The following PLXNC1 variants were observed in gnomAD, a reference collection of about 807,000 sequenced individuals.
PLXNC1 encodes the protein plexin C1, also known as plexin-C1.
In PLXNC1, 75 loss-of-function variants were observed where a neutral mutation model predicts 178.2. The observed-to-expected ratio is 0.42, with a 90% CI of 0.35 to 0.51. PLXNC1 has a LOEUF of 0.51. PLXNC1 is among the 20% of genes least tolerant of loss of function. PLXNC1 has a pLI of 0.02. For missense variants in PLXNC1, 1,503 were observed against 1,984.4 expected, an observed-to-expected ratio of 0.76 and a Z score of 4.61; for synonymous variants, 790 against 779.9, an observed-to-expected ratio of 1.01 and a Z score of -0.22.
chr12:94,200,588 C>T (rs1181794422), intron 4 of PLXNC1, among the ~76,000 whole-genome samples: 1 of 150,090 alleles, frequency 6.7e-6, no homozygotes, highest in Non-Finnish European at 1.5e-5. Context: ...CTGAGGCCCA[C>T]AGAGGCTAAG....
Position 94,305,464 on chromosome 12 carries a change from C to A in PLXNC1, c.*179C>A. 3.5e-6 allele frequency: 2 copies of A among 571,510 alleles called. No individual in the cohort carries two copies. Among genetic ancestry groups the A allele is most frequent in the East Asian group, 5.7e-5 (2 of 34,810 alleles). 35.4% of individuals were successfully genotyped at this position (571,510 alleles called of 1,614,324 possible). On this transcript the variant is annotated 3_prime_UTR_variant, in exon 31 of 31. Coordinates refer to ENST00000258526, the MANE Select transcript of PLXNC1 (RefSeq NM_005761.3). ...TTTAGAAAGCATACCAACCCTTGTGCCTGTGTGTATACCGTGGGAACCCTT... is the reference window on the plus strand; with the variant it reads ...TTTAGAAAGCATACCAACCCTTGTGACTGTGTGTATACCGTGGGAACCCTT...
At chr12:94,187,174 A>AAGAG (rs755091519) in intron 4 of PLXNC1, among the ~76,000 whole-genome samples, 6,377 of 105,862 alleles carry the variant, frequency 0.06, 177 homozygotes, top group East Asian at 0.19. Flanking sequence ...TCAGGCAGGA[A>AAGAG]AGAGAGAGAG....
intron 1 of PLXNC1, among the ~76,000 whole-genome samples, chr12:94,156,929 G>C (rs1167323072): frequency 1.3e-5 from 2 of 151,974 alleles, no homozygotes; most frequent in Non-Finnish European, 2.9e-5. Flanking sequence ...TGCCCATGCT[G>C]GTCTCAATCT....
chr12:94,297,324 A>G lies in PLXNC1; in HGVS notation c.3975A>G (p.Pro1325=). ...YSDDHCHLIL[P]DSEAFQDVQG... ...TGCTGTCTTCCCTTCAGATTTTACC[A>G]GATTCGGAAGCATTCCAAGATGTGC... is the stretch of plus-strand genomic sequence containing the variant. Residue 1325 remains proline, a synonymous_variant, in exon 26 of 31, where the codon CCA becomes CCG. Coordinates refer to ENST00000258526, the MANE Select transcript of PLXNC1 (RefSeq NM_005761.3). 4 of 1,613,954 alleles carry G rather than the reference A, an allele frequency of 2.5e-6. No individual in the cohort carries two copies. Among genetic ancestry groups the G allele is most frequent in the East Asian group, 4.5e-5 (2 of 44,868 alleles).
chr12:94,170,692 C>T (rs186183112), intron 2 of PLXNC1, among the ~76,000 whole-genome samples: 23 of 149,430 alleles, frequency 1.5e-4, no homozygotes, highest in Middle Eastern at 3.5e-3. Flanking sequence ...GCCATGAATT[C>T]CCACAGCCTA....
At chr12:94,200,306 G>C (rs551938619) in intron 4 of PLXNC1, among the ~76,000 whole-genome samples, 2 of 152,128 alleles carry the variant, frequency 1.3e-5, no homozygotes, top group South Asian at 4.1e-4. Context: ...TGTATTGATT[G>C]GCCTTTAAAT....
chr12:94,234,039 A>T (rs1261492721), intron 9 of PLXNC1, among the ~76,000 whole-genome samples: 3 of 152,092 alleles, frequency 2.0e-5, no homozygotes, highest in South Asian at 2.1e-4. Flanking sequence ...GTGACTTTTT[A>T]TCTAGTCCTG....
chr12:94,271,701 G>A (rs141067537), intron 21 of PLXNC1, among the ~76,000 whole-genome samples: 28 of 152,294 alleles, frequency 1.8e-4, no homozygotes, highest in African/African-American at 6.5e-4. Flanking sequence ...CATGTACCAC[G>A]TCTAGCCATC....
chr12:94,270,763 CT>C (rs71984307), intron 21 of PLXNC1, among the ~76,000 whole-genome samples: 26,239 of 147,310 alleles, frequency 0.18, 2,634 homozygotes, highest in East Asian at 0.27. Context: ...ATCTCCATTA[CT>C]TTTTTTTTTT....
At chr12:94,245,598 C>T (rs1009404159) in intron 12 of PLXNC1, among the ~76,000 whole-genome samples, 14 of 152,308 alleles carry the variant, frequency 9.2e-5, no homozygotes, top group African/African-American at 3.1e-4. Context: ...TTCAGAAACC[C>T]TGTGAGTCCA....
chr12:94,183,998 A>G (rs1277678747), intron 3 of PLXNC1, among the ~76,000 whole-genome samples: 2 of 152,234 alleles, frequency 1.3e-5, no homozygotes, highest in African/African-American at 2.4e-5. Context: ...ATAAAATGGT[A>G]TGATACGGGG....
chr12:94,279,625 C>A lies in PLXNC1; in HGVS notation c.3751C>A (p.Leu1251Ile). The change falls in exon 22 of 31, where the codon CTT (leucine) becomes ATT (isoleucine). Residue 1251 changes from leucine (L) to isoleucine (I), a missense_variant. This residue lies in a region of PLXNC1 where 639 missense variants were observed against 979.7 expected (regional missense o/e 0.65). Transcript: ENST00000258526. ...FLSKNGSPYG[L>I]QLNEIGLELQ... ...AAGCAAAAATGGCTCTCCTTATGGA[C>A]TTCAGCTTAATGAAATTGGTCTTGG... is the stretch of plus-strand genomic sequence containing the variant. 1.2e-6 allele frequency: 2 copies of A among 1,614,194 alleles called. No homozygotes were observed. The highest frequency in any genetic ancestry group is 1.7e-6 in the Non-Finnish European group (2 of 1,180,012).
At chr12:94,303,668 A>C in intron 28 of PLXNC1, 88 bp from the exon 29 acceptor site, 2 of 1,195,310 alleles carry the variant, frequency 1.7e-6, no homozygotes, top group Non-Finnish European at 2.2e-6. Flanking sequence ...GTTCAGCTAC[A>C]TTGGAATATT....
chr12:94,270,890 AGG>A (rs1965530287), intron 21 of PLXNC1, among the ~76,000 whole-genome samples: 1 of 151,910 alleles, frequency 6.6e-6, no homozygotes, highest in African/African-American at 2.4e-5. Flanking sequence ...GGAAAGGAAA[AGG>A]GGAGCAGAGT....
In PLXNC1 at chr12:94,303,870, G is replaced by A; in HGVS notation, c.4501G>A (p.Glu1501Lys). Reference protein sequence around the residue: ...DLPPLSSSEMEEFLTQESKKH... With the variant: ...DLPPLSSSEMKEFLTQESKKH... Reference sequence around the variant, plus strand: ...GCCTCCATTGTCATCCTCAGAAATGGAAGAATTTTTAACTCAGGAATCTAA... The same window carrying A: ...GCCTCCATTGTCATCCTCAGAAATGAAAGAATTTTTAACTCAGGAATCTAA... Residue 1501 changes from glutamate (E) to lysine (K), a missense_variant, in exon 29 of 31, where the codon GAA becomes AAA. Coordinates refer to ENST00000258526, the MANE Select transcript of PLXNC1 (RefSeq NM_005761.3). The A allele has an allele frequency of 6.2e-7, 1 of 1,609,198 alleles. No homozygotes were observed.
At chr12:94,294,456 C>A (rs1880934) in intron 23 of PLXNC1, 30 bp from the exon 24 acceptor site, 679,626 of 989,000 alleles carry the variant, frequency 0.69, 239,092 homozygotes, top group East Asian at 0.98. Context: ...AAATTTTGAA[C>A]ACTCATATAT....
At position 94,149,296 on chromosome 12, in the gene PLXNC1, C is replaced by T. The variant is rs760910255; in HGVS notation, c.325C>T (p.Leu109=). The T allele has an allele frequency of 3.4e-6, 5 of 1,490,734 alleles. No homozygotes were observed. Among genetic ancestry groups the T allele is most frequent in the Non-Finnish European group, 4.4e-6 (5 of 1,129,594 alleles). The allele number at this position is 1,490,734 out of a possible 1,614,324, so 92.3% of individuals were successfully genotyped here. The change falls in exon 1 of 31, where the codon CTG becomes TTG. Residue 109 remains leucine (L), a synonymous_variant. Transcript: ENST00000258526. ...GCCCGGGAGCAGCTTCAGCAAGCTG[C>T]TGCTGCCCTACCGCGAGGGGGCGGC... The part of the protein sequence containing the change: ...PRPGSSFSKL[L]LPYREGAAGL...
At chr12:94,212,717 CT>C (rs1436110664) in intron 5 of PLXNC1, among the ~76,000 whole-genome samples, 1 of 141,910 alleles carries the variant, frequency 7.0e-6, no homozygotes, top group Non-Finnish European at 1.6e-5. Flanking sequence ...CTTTTCTTTT[CT>C]TTTCTTTTTT....
chr12:94,224,404 G>A (rs1963883384), intron 7 of PLXNC1, 89 bp downstream of exon 7: 1 of 826,054 alleles, frequency 1.2e-6, no homozygotes, highest in Non-Finnish European at 2.1e-6. Context: ...GAACTCTTTT[G>A]TGAGACAGAA....
Sources: allele counts gnomAD v4.1 joint callset (sites outside exome capture counted in the v4.1 genomes callset), GRCh38; gene constraint gnomAD v4.1.1; regional missense constraint gnomAD v4.1.1; transcripts MANE v1.5; gene names NCBI Gene and HGNC (gene_info 2026-07-23, HGNC 2026-07-21).